The following CLSTN1 variants were observed in gnomAD, a reference collection of about 807,000 sequenced individuals.
CLSTN1 encodes calsyntenin 1.
Under a neutral mutation model 108.3 loss-of-function variants are expected in CLSTN1, and 28 were observed. The ratio of observed to expected loss-of-function variants is 0.26; its 90% CI spans 0.19 to 0.35. The LOEUF (loss-of-function observed/expected upper bound fraction) is 0.35. Among genes scored for constraint, CLSTN1 ranks in the 10% least tolerant of loss-of-function variants. CLSTN1 has a pLI of 1.00. For synonymous variants in CLSTN1, 524 were observed against 534.9 expected (o/e 0.98, Z 0.28); for missense variants, 1,157 against 1,302.6 (o/e 0.89, Z 1.72).
At chr1:9,796,858 G>T (rs1654032234) in intron 1 of CLSTN1, among the ~76,000 whole-genome samples, 1 of 152,142 alleles carries the variant, frequency 6.6e-6, no homozygotes, top group Admixed American at 6.6e-5. Context: ...AAAATAACAC[G>T]AAGCCAGAAT....
intron 18 of CLSTN1, 129 bp downstream of exon 18, chr1:9,731,077 G>C (rs764749755): frequency 9.0e-7 from 1 of 1,114,478 alleles, no homozygotes; most frequent in South Asian, 1.3e-5. Flanking sequence ...AGACACCTAA[G>C]CCCCAGGCTT....
In CLSTN1 at chr1:9,755,099, G is replaced by C; in HGVS notation, c.440+15C>G. The stretch of plus-strand genomic sequence containing the variant: ...ACTCGGTGGGTTATGTTCACTCTTT[G>C]TCCAGCTTACTTACTTATGAGACTT... On this transcript the variant is annotated intron_variant, in intron 4 of 18. Transcript: ENST00000377298. 6.2e-7 allele frequency: 1 copy of C among 1,602,870 alleles called. No individual in the cohort carries two copies. The highest frequency in any genetic ancestry group is 8.5e-7 in the Non-Finnish European group (1 of 1,171,468).
chr1:9,748,923 A>T (rs1309379397), intron 7 of CLSTN1, among the ~76,000 whole-genome samples: 1 of 151,852 alleles, frequency 6.6e-6, no homozygotes, highest in Non-Finnish European at 1.5e-5. Context: ...TTCTTTTTTT[A>T]AAACAGGGTC....
At chr1:9,781,644 T>C (rs571790383) in intron 1 of CLSTN1, among the ~76,000 whole-genome samples, 2 of 152,110 alleles carry the variant, frequency 1.3e-5, no homozygotes, top group African/African-American at 4.8e-5. Flanking sequence ...GGTTTCTCCA[T>C]GTTGGTCAGG....
chr1:9,735,653 C>T (rs760943093), intron 12 of CLSTN1, 38 bp from the exon 13 acceptor site: 2 of 1,611,994 alleles, frequency 1.2e-6, no homozygotes, highest in South Asian at 2.2e-5. Flanking sequence ...GAAGAATAAG[C>T]CAGTAACCGC....
intron 1 of CLSTN1, among the ~76,000 whole-genome samples, chr1:9,782,071 A>T (rs1256692407): frequency 1.3e-5 from 2 of 152,212 alleles, no homozygotes; most frequent in African/African-American, 4.8e-5. Flanking sequence ...TTAAAATAAG[A>T]GCATGGAAAA....
chr1:9,770,664 T>C (rs1424555306), intron 2 of CLSTN1, among the ~76,000 whole-genome samples: 1 of 152,190 alleles, frequency 6.6e-6, no homozygotes. Flanking sequence ...GTACTTAGAG[T>C]AGTGCCTGGG....
At chr1:9,768,815 G>A (rs1276057649) in intron 2 of CLSTN1, among the ~76,000 whole-genome samples, 2 of 147,856 alleles carry the variant, frequency 1.4e-5, no homozygotes, top group Non-Finnish European at 3.0e-5. Context: ...GGCACTATGG[G>A]GGCGGGGTTC....
At chr1:9,757,344 C>T (rs1296216272) in intron 2 of CLSTN1, among the ~76,000 whole-genome samples, 1 of 150,842 alleles carries the variant, frequency 6.6e-6, no homozygotes, top group Admixed American at 6.6e-5. Flanking sequence ...CTGGTTCACG[C>T]CATTCTCCTA....
intron 1 of CLSTN1, among the ~76,000 whole-genome samples, chr1:9,820,778 A>C (rs754563373): frequency 2.0e-5 from 3 of 152,172 alleles, no homozygotes; most frequent in Admixed American, 1.3e-4. Context: ...GGGGAAACAG[A>C]CGATAAACAA....
At chr1:9,782,838 C>T (rs1230244811) in intron 1 of CLSTN1, among the ~76,000 whole-genome samples, 1 of 151,866 alleles carries the variant, frequency 6.6e-6, no homozygotes, top group Middle Eastern at 3.2e-3. Flanking sequence ...AAAACCCCGC[C>T]TCTATTGAAA....
At chr1:9,820,690 G>T (rs1225118854) in intron 1 of CLSTN1, among the ~76,000 whole-genome samples, 1 of 152,122 alleles carries the variant, frequency 6.6e-6, no homozygotes, top group Non-Finnish European at 1.5e-5. Context: ...CACAATACTG[G>T]CATGCCTCTG....
At position 9,802,146 on chromosome 1, in the gene CLSTN1, G is replaced by A. The variant is rs569984323; in HGVS notation, c.91+21497C>T. Reference sequence around the variant, plus strand: ...AGAGCTAATGAGCCGCAGACTTGGGGTCTGAACCTCAACAGTTTAGTTCAG... The same window carrying A: ...AGAGCTAATGAGCCGCAGACTTGGGATCTGAACCTCAACAGTTTAGTTCAG... On this transcript the variant is annotated intron_variant, in intron 1 of 18. Coordinates refer to ENST00000377298, the MANE Select transcript of CLSTN1 (RefSeq NM_001009566.3). Among the ~76,000 whole-genome samples the A allele has an allele frequency of 2.6e-5, 4 of 152,254 alleles. No individual in the cohort carries two copies. In the East Asian group the frequency reaches 7.7e-4, roughly 29 times the overall value.
chr1:9,762,534 T>C (rs1223529045), intron 2 of CLSTN1, among the ~76,000 whole-genome samples: 1 of 150,276 alleles, frequency 6.7e-6, no homozygotes, highest in Admixed American at 6.6e-5. Context: ...CACTCGGCCT[T>C]GGTGCCCACA....
chr1:9,801,832 A>T lies in CLSTN1; in HGVS notation c.91+21811T>A, dbSNP rs1479650978. On this transcript the variant is annotated intron_variant, in intron 1 of 18. Transcript: ENST00000377298. ...CTGCTTCCCAAAGTGCTGGGATTAC[A>T]GGCGTGAGCCACCACGCCCGGCCTC... 5.2e-4 allele frequency among the ~76,000 whole-genome samples: 79 copies of T among 152,316 alleles called. 1 individual carries two copies. The highest frequency in any genetic ancestry group is 2.9e-5 in the Non-Finnish European group (2 of 68,028).
chr1:9,756,576 G>T, intron 2 of CLSTN1, 66 bp from the exon 3 acceptor site: 1 of 1,406,008 alleles, frequency 7.1e-7, no homozygotes, highest in Non-Finnish European at 9.9e-7. Flanking sequence ...ATACACTAAG[G>T]AAAAAAGTCA....
intron 1 of CLSTN1, among the ~76,000 whole-genome samples, chr1:9,794,554 C>T (rs1333787567): frequency 6.6e-6 from 1 of 151,402 alleles, no homozygotes; most frequent in Non-Finnish European, 1.5e-5. Flanking sequence ...AATGATCTAC[C>T]TGCCTCAGCC....
intron 1 of CLSTN1, among the ~76,000 whole-genome samples, chr1:9,800,501 C>A (rs956150640): frequency 7.0e-6 from 1 of 143,490 alleles, no homozygotes; most frequent in Non-Finnish European, 1.5e-5. Context: ...AGGAGGATCA[C>A]GAGGTCAGGA....
intron 1 of CLSTN1, among the ~76,000 whole-genome samples, chr1:9,788,915 CTCATATGAG>C (rs1245110131): frequency 1.3e-5 from 2 of 150,854 alleles, no homozygotes; most frequent in South Asian, 4.4e-4. Flanking sequence ...ATTCTAGTAC[CTCATATGAG>C]TGGGATCACA....
Sources: allele counts gnomAD v4.1 joint callset (sites outside exome capture counted in the v4.1 genomes callset), GRCh38; gene constraint gnomAD v4.1.1; transcripts MANE v1.5; gene names NCBI Gene and HGNC (gene_info 2026-07-23, HGNC 2026-07-21).